Variants in CERT1 observed in about 807,000 individuals in gnomAD.
CERT1 encodes the protein ceramide transporter 1, also known as ceramide transfer protein.
In CERT1, 31 loss-of-function variants were observed where a neutral mutation model predicts 87.9. That is an observed-to-expected ratio of 0.35 (90% confidence interval 0.27 to 0.48). The LOEUF (loss-of-function observed/expected upper bound fraction) is 0.48, where lower values mean the gene tolerates loss of function less well. CERT1 is among the 20% of genes least tolerant of loss of function. CERT1 has a pLI of 0.99. For missense variants in CERT1, 487 were observed against 758.0 expected (o/e 0.64, Z 4.20); for synonymous variants, 289 against 250.9 (o/e 1.15, Z -1.44).
intron 2 of CERT1, among the ~76,000 whole-genome samples, chr5:75,468,888 G>A (rs1765580605): frequency 6.6e-6 from 1 of 152,136 alleles, no homozygotes; most frequent in Non-Finnish European, 1.5e-5. Flanking sequence ...GGATATAGAT[G>A]CACAACAGGA....
At chr5:75,458,602 A>C (rs1431621142) in intron 3 of CERT1, among the ~76,000 whole-genome samples, 3 of 151,676 alleles carry the variant, frequency 2.0e-5, no homozygotes, top group African/African-American at 7.3e-5. Flanking sequence ...CCCAGGCTGG[A>C]GTGCAGTAGC....
At chr5:75,426,249 C>G in intron 4 of CERT1, 122 bp downstream of exon 4, 2 of 552,880 alleles carry the variant, frequency 3.6e-6, no homozygotes, top group Non-Finnish European at 6.4e-6. Flanking sequence ...TCTCTAATAA[C>G]TTCAAATAAA....
At chr5:75,461,505 A>G (rs1285594198) in intron 2 of CERT1, among the ~76,000 whole-genome samples, 1 of 152,192 alleles carries the variant, frequency 6.6e-6, no homozygotes, top group Admixed American at 6.5e-5. Context: ...GCAGATGATC[A>G]GTCTATTGCT....
intron 11 of CERT1, among the ~76,000 whole-genome samples, chr5:75,395,808 C>T (rs1490155011): frequency 6.6e-6 from 1 of 152,042 alleles, no homozygotes; most frequent in African/African-American, 2.4e-5. Flanking sequence ...TGAGATCGTG[C>T]CACTGCACTA....
At chr5:75,389,935 A>G (rs1561227187) in intron 11 of CERT1, among the ~76,000 whole-genome samples, 2 of 152,246 alleles carry the variant, frequency 1.3e-5, no homozygotes, top group Non-Finnish European at 2.9e-5. Context: ...ATATTGGCCT[A>G]ATGTGTATCA....
At chr5:75,435,490 C>T (rs917090410) in intron 3 of CERT1, among the ~76,000 whole-genome samples, 8 of 152,228 alleles carry the variant, frequency 5.3e-5, no homozygotes, top group African/African-American at 1.9e-4. Context: ...TGGAGGTTAG[C>T]AGACACTGAC....
chr5:75,407,472 T>TA lies in CERT1; in HGVS notation c.930+3538dup, dbSNP rs546897411. ...TTTTTAAGGTACGAAGGAAAAAAAT[T>TA]AAAAAAAAAAAAAGGCAAATTCTAT... On this transcript the variant is annotated intron_variant, in intron 8 of 16. Coordinates refer to ENST00000643780, the MANE Select transcript of CERT1 (RefSeq NM_001379029.1). Among the ~76,000 whole-genome samples, 932 of 107,810 alleles carry TA rather than the reference T, an allele frequency of 8.6e-3. 4 individuals are homozygous for TA. Among genetic ancestry groups the TA allele is most frequent in the African/African-American group, 0.024 (731 of 30,388 alleles). 70.7% of individuals were successfully genotyped at this position (107,810 alleles called of 152,430 possible).
At chr5:75,485,734 A>C (rs994255725) in intron 2 of CERT1, among the ~76,000 whole-genome samples, 1 of 152,128 alleles carries the variant, frequency 6.6e-6, no homozygotes, top group African/African-American at 2.4e-5. Flanking sequence ...ATAAGCAACT[A>C]TATGCCAAGA....
intron 3 of CERT1, among the ~76,000 whole-genome samples, chr5:75,427,571 C>A (rs1763674645): frequency 6.6e-6 from 1 of 151,990 alleles, no homozygotes; most frequent in South Asian, 2.1e-4. Flanking sequence ...TGCACTCACT[C>A]CAGCCTGGGT....
intron 3 of CERT1, among the ~76,000 whole-genome samples, chr5:75,448,947 C>T (rs570769482): frequency 6.6e-6 from 1 of 152,116 alleles, no homozygotes; most frequent in African/African-American, 2.4e-5. Flanking sequence ...AATCTAGTAA[C>T]AGTAACCTAA....
intron 2 of CERT1, among the ~76,000 whole-genome samples, chr5:75,461,821 GAA>G (rs11404644): frequency 8.0e-4 from 72 of 89,666 alleles, no homozygotes; most frequent in African/African-American, 2.4e-3. Context: ...TCAACAAAGT[GAA>G]AAAAAAAAAA....
chr5:75,388,637 T>C (rs1370736524), intron 12 of CERT1, among the ~76,000 whole-genome samples: 1 of 133,296 alleles, frequency 7.5e-6, no homozygotes, highest in Non-Finnish European at 1.6e-5. Flanking sequence ...TATATATATA[T>C]ATATCTCACA....
intron 2 of CERT1, among the ~76,000 whole-genome samples, chr5:75,485,588 A>G (rs1766485137): frequency 6.6e-6 from 1 of 152,010 alleles, no homozygotes; most frequent in African/African-American, 2.4e-5. Flanking sequence ...GTTTTTTGAA[A>G]AGATAAACAA....
chr5:75,474,735 T>C (rs1765881474), intron 2 of CERT1, among the ~76,000 whole-genome samples: 1 of 152,172 alleles, frequency 6.6e-6, no homozygotes, highest in African/African-American at 2.4e-5. Context: ...AAAATTCAAT[T>C]GTAAGTGAAT....
intron 2 of CERT1, among the ~76,000 whole-genome samples, chr5:75,504,693 T>A (rs1767571776): frequency 6.6e-6 from 1 of 152,154 alleles, no homozygotes; most frequent in South Asian, 2.1e-4. Context: ...ATTTTCAGAT[T>A]TTAACTACAA....
intron 11 of CERT1, among the ~76,000 whole-genome samples, chr5:75,390,388 C>T (rs1308936529): frequency 6.6e-6 from 1 of 152,068 alleles, no homozygotes; most frequent in Non-Finnish European, 1.5e-5. Flanking sequence ...TTCATATATG[C>T]AAGCATTTAC....
chr5:75,511,716 A>T, upstream of CERT1: 1 of 1,544,476 alleles, frequency 6.5e-7, no homozygotes, highest in Middle Eastern at 1.9e-4. Context: ...CCGGCGTCTG[A>T]CGCGACACGC....
downstream of CERT1, chr5:75,374,408 T>TC (rs1761206219): frequency 1.8e-6 from 1 of 562,182 alleles, no homozygotes; most frequent in African/African-American, 1.9e-5. Context: ...ATGGAATTTT[T>TC]CAAAAGTTAG....
intron 2 of CERT1, among the ~76,000 whole-genome samples, chr5:75,479,769 T>C (rs1181458472): frequency 6.6e-6 from 1 of 152,216 alleles, no homozygotes; most frequent in Non-Finnish European, 1.5e-5. Context: ...CATGTGTCTT[T>C]ATGGCAGAAG....
Sources: gnomAD v4.1 joint callset for allele counts (sites outside exome capture counted in the v4.1 genomes callset) on GRCh38, gnomAD v4.1.1 for gene constraint, MANE v1.5 for transcripts, NCBI Gene and HGNC (gene_info 2026-07-23, HGNC 2026-07-21) for gene names.